The following METTL15 variants were observed in gnomAD, a reference collection of about 807,000 sequenced individuals.
METTL15 encodes the protein methyltransferase 15, mitochondrial 12S rRNA N4-cytidine.
A neutral mutation model predicts 38.3 loss-of-function variants in METTL15; 34 were observed. The observed-to-expected ratio is 0.89, with a 90% CI of 0.68 to 1.18. The LOEUF is 1.18. Ranked by LOEUF, METTL15 falls within the 50% of genes most tolerant of loss-of-function variation. The probability of loss-of-function intolerance (pLI) is 0.00; values close to 1 mark genes in which losing one functional copy is unlikely to be tolerated. For synonymous variants in METTL15, 162 were observed against 170.9 expected, an observed-to-expected ratio of 0.95 and a Z score of 0.41; for missense variants, 438 against 498.4, an observed-to-expected ratio of 0.88 and a Z score of 1.15.
At chr11:28,213,588 C>A (rs1416889593) in intron 4 of METTL15, among the ~76,000 whole-genome samples, 34 of 147,210 alleles carry the variant, frequency 2.3e-4, no homozygotes, top group Non-Finnish European at 3.7e-4. Context: ...CTGACCCTGA[C>A]CAAATGGATT....
At chr11:28,486,075 C>T (rs1851436902) in intron 6 of METTL15, among the ~76,000 whole-genome samples, 1 of 152,114 alleles carries the variant, frequency 6.6e-6, no homozygotes, top group Non-Finnish European at 1.5e-5. Context: ...TCTGGGGAGA[C>T]ACAATTTAGT....
intron 4 of METTL15, among the ~76,000 whole-genome samples, chr11:28,356,791 C>G: frequency 6.6e-6 from 1 of 152,186 alleles, no homozygotes; most frequent in Non-Finnish European, 1.5e-5. Flanking sequence ...ACCATCATTT[C>G]TTGGTATTTG....
At chr11:28,288,458 T>C (rs975171451) in intron 4 of METTL15, among the ~76,000 whole-genome samples, 14 of 152,130 alleles carry the variant, frequency 9.2e-5, no homozygotes, top group African/African-American at 2.4e-4. Flanking sequence ...GTGGTACATA[T>C]ACACCATGCA....
intron 3 of METTL15, among the ~76,000 whole-genome samples, chr11:28,148,821 A>G (rs1243232891): frequency 1.3e-5 from 2 of 152,068 alleles, no homozygotes; most frequent in African/African-American, 2.4e-5. Flanking sequence ...CCTGTCAAGT[A>G]GTATTCTTAA....
chr11:28,186,141 G>A (rs1349825568), intron 3 of METTL15, among the ~76,000 whole-genome samples: 5 of 150,902 alleles, frequency 3.3e-5, no homozygotes, highest in Non-Finnish European at 3.0e-5. Flanking sequence ...CAGTAATTCA[G>A]GGAACAAATC....
intron 5 of METTL15, among the ~76,000 whole-genome samples, chr11:28,422,702 G>C (rs1025985470): frequency 6.6e-6 from 1 of 151,762 alleles, no homozygotes; most frequent in Admixed American, 6.6e-5. Context: ...AAATCAAAAG[G>C]GATTAAAAAC....
chr11:28,269,340 T>C (rs1855553377), intron 4 of METTL15, among the ~76,000 whole-genome samples: 1 of 152,102 alleles, frequency 6.6e-6, no homozygotes, highest in African/African-American at 2.4e-5. Context: ...TATATATGCA[T>C]GTGCATGTAT....
chr11:28,510,844 G>A (rs1046651213), intron 6 of METTL15, among the ~76,000 whole-genome samples: 2 of 152,162 alleles, frequency 1.3e-5, no homozygotes, highest in African/African-American at 4.8e-5. Flanking sequence ...GTTTCAGAGT[G>A]CATAATCTCA....
Position 28,154,619 on chromosome 11 carries a change from C to T in METTL15, c.270+41015C>T, listed in dbSNP as rs372615378. Among the ~76,000 whole-genome samples the T allele has an allele frequency of 3.9e-4, 60 of 152,178 alleles. 1 individual carries two copies. The East Asian group carries it at 7.7e-3, about 20-fold the overall frequency. On this transcript the variant is annotated intron_variant, in intron 3 of 6. Transcript: ENST00000407364. The stretch of plus-strand genomic sequence containing the variant: ...AATGTCAGAGGTCTGTGACTTGGTA[C>T]TGTGTCACTTTGGGCAAGTCTGTTG...
At chr11:28,169,367 T>C (rs1269277383) in intron 3 of METTL15, among the ~76,000 whole-genome samples, 6 of 152,162 alleles carry the variant, frequency 3.9e-5, no homozygotes, top group Non-Finnish European at 7.4e-5. Flanking sequence ...AAGCTTTAGA[T>C]TTAAAACTGA....
intron 6 of METTL15, among the ~76,000 whole-genome samples, chr11:28,490,025 A>G (rs773757703): frequency 2.6e-5 from 4 of 152,060 alleles, no homozygotes; most frequent in African/African-American, 4.8e-5. Context: ...TGGTAGGGGT[A>G]GAAGAGGAAT....
chr11:28,248,428 C>A (rs995977713), intron 4 of METTL15, among the ~76,000 whole-genome samples: 4 of 152,026 alleles, frequency 2.6e-5, no homozygotes, highest in East Asian at 1.9e-4. Flanking sequence ...TATCTGAAAT[C>A]CCTTGTTCAT....
intron 5 of METTL15, among the ~76,000 whole-genome samples, chr11:28,379,100 G>A (rs1167887766): frequency 3.3e-5 from 5 of 151,428 alleles, no homozygotes; most frequent in Admixed American, 3.3e-4. Context: ...TTTATTTTTG[G>A]TGTACTCTTT....
At chr11:28,423,904 C>T (rs1256074592) in intron 5 of METTL15, among the ~76,000 whole-genome samples, 3 of 151,954 alleles carry the variant, frequency 2.0e-5, no homozygotes, top group Admixed American at 2.0e-4. Context: ...TGATGGATAC[C>T]TCATGCACTC....
At chr11:28,194,793 C>G (rs561792841) in intron 3 of METTL15, among the ~76,000 whole-genome samples, 1 of 151,738 alleles carries the variant, frequency 6.6e-6, no homozygotes, top group Non-Finnish European at 1.5e-5. Flanking sequence ...GTACCTATCA[C>G]TTGGTGATAG....
chr11:28,386,267 C>T (rs1850439516), intron 5 of METTL15, among the ~76,000 whole-genome samples: 2 of 151,908 alleles, frequency 1.3e-5, no homozygotes, highest in Admixed American at 1.3e-4. Flanking sequence ...TCAGTAATTA[C>T]TTTAAATGTA....
At position 28,332,676 on chromosome 11, in the gene METTL15, G is replaced by A. The variant is rs1431546151; in HGVS notation, c.*1835G>A. The A allele has an allele frequency of 2.0e-5, 3 of 150,562 alleles. No homozygotes were observed. Among genetic ancestry groups the A allele is most frequent in the Admixed American group, 2.0e-4 (3 of 15,152 alleles). The allele number at this position is 150,562 out of a possible 1,614,324, so 9.3% of individuals were successfully genotyped here. On this transcript the variant is annotated 3_prime_UTR_variant, in exon 7 of 7. Coordinates refer to ENST00000407364, the MANE Select transcript of METTL15 (RefSeq NM_001113528.2). Reference sequence around the variant, plus strand: ...TGTTCCTTATAAGAGAAGATAGGGCGGGCATGGTGGCTCACGCCTGTAATC... The same window carrying A: ...TGTTCCTTATAAGAGAAGATAGGGCAGGCATGGTGGCTCACGCCTGTAATC...
intron 5 of METTL15, among the ~76,000 whole-genome samples, chr11:28,418,706 A>T (rs1048186550): frequency 6.6e-6 from 1 of 152,160 alleles, no homozygotes; most frequent in Non-Finnish European, 1.5e-5. Flanking sequence ...TGAATTGTCA[A>T]CACCACCCCT....
At chr11:28,247,369 A>G (rs1854555974) in intron 4 of METTL15, among the ~76,000 whole-genome samples, 1 of 152,154 alleles carries the variant, frequency 6.6e-6, no homozygotes, top group Admixed American at 6.6e-5. Context: ...AATTGTAGAT[A>G]TTGCCACAGT....
Sources: allele counts gnomAD v4.1 joint callset (sites outside exome capture counted in the v4.1 genomes callset), GRCh38; gene constraint gnomAD v4.1.1; transcripts MANE v1.5; gene names NCBI Gene and HGNC (gene_info 2026-07-23, HGNC 2026-07-21).